The following RNF216 variants were observed in gnomAD, a reference collection of about 807,000 sequenced individuals.
RNF216 encodes E3 ubiquitin-protein ligase RNF216.
A neutral mutation model predicts 110.8 loss-of-function variants in RNF216; 72 were observed. The ratio of observed to expected loss-of-function variants is 0.65; its 90% CI spans 0.54 to 0.79. RNF216 has a LOEUF of 0.79. RNF216 is among the 30% of genes least tolerant of loss of function. The pLI is 0.00. For missense variants in RNF216, 1,342 were observed against 1,141.2 expected (o/e 1.18, Z -2.54); for synonymous variants, 495 against 407.5 (o/e 1.21, Z -2.59).
chr7:5,776,128 G>A (rs1225627910), intron 1 of RNF216, among the ~76,000 whole-genome samples: 4 of 152,090 alleles, frequency 2.6e-5, no homozygotes, highest in African/African-American at 7.2e-5. Flanking sequence ...ATATCCATAT[G>A]TGAAAGCTGT....
chr7:5,763,907 G>A (rs749063717), intron 1 of RNF216, among the ~76,000 whole-genome samples: 4 of 152,118 alleles, frequency 2.6e-5, no homozygotes, highest in Admixed American at 1.3e-4. Context: ...TAAAACAGAC[G>A]GCAGGGCACG....
chr7:5,659,325 G>A (rs1342428493), intron 13 of RNF216, among the ~76,000 whole-genome samples: 1 of 152,178 alleles, frequency 6.6e-6, no homozygotes, highest in Admixed American at 6.5e-5. Flanking sequence ...GATATTAACT[G>A]ACACTAGGGG....
chr7:5,721,903 T>G (rs1793449087), intron 8 of RNF216, among the ~76,000 whole-genome samples: 1 of 152,236 alleles, frequency 6.6e-6, no homozygotes, highest in Non-Finnish European at 1.5e-5. Context: ...GGTTTTGTAC[T>G]TGTTTCACTG....
At chr7:5,739,515 C>T (rs1236538380) in intron 4 of RNF216, 163 bp from the exon 5 acceptor site, 12 of 719,362 alleles carry the variant, frequency 1.7e-5, no homozygotes, top group Non-Finnish European at 3.0e-5. Flanking sequence ...TTCCCAGATT[C>T]ATCTGTCTAC....
At chr7:5,642,212 G>GT (rs1347086304) in intron 14 of RNF216, among the ~76,000 whole-genome samples, 344 of 149,550 alleles carry the variant, frequency 2.3e-3, no homozygotes, top group African/African-American at 7.9e-3. Flanking sequence ...TCAAGGTTCT[G>GT]TTTTGTTTTT....
At chr7:5,638,880 C>T (rs2128565286) in intron 15 of RNF216, among the ~76,000 whole-genome samples, 1 of 152,288 alleles carries the variant, frequency 6.6e-6, no homozygotes. Context: ...AGTGATGCTC[C>T]TGCCTTGACC....
intron 1 of RNF216, among the ~76,000 whole-genome samples, chr7:5,761,612 GCCA>G (rs1795938853): frequency 6.6e-6 from 1 of 152,006 alleles, no homozygotes; most frequent in African/African-American, 2.4e-5. Flanking sequence ...ATGGTGAAAT[GCCA>G]ACTCTACTAA....
chr7:5,772,775 CTTTTTTTT>C (rs34504327), intron 1 of RNF216, among the ~76,000 whole-genome samples: 4 of 133,560 alleles, frequency 3.0e-5, no homozygotes, highest in Non-Finnish European at 3.2e-5. Context: ...AAAGATATTC[CTTTTTTTT>C]TTTTTTTTTT....
At chr7:5,686,388 C>G (rs1257805654) in intron 13 of RNF216, among the ~76,000 whole-genome samples, 1 of 152,118 alleles carries the variant, frequency 6.6e-6, no homozygotes, top group African/African-American at 2.4e-5. Flanking sequence ...GGGGCTGGGA[C>G]AGAAAACAGG....
chr7:5,674,441 G>A (rs891779158), intron 13 of RNF216, among the ~76,000 whole-genome samples: 2 of 151,162 alleles, frequency 1.3e-5, no homozygotes, highest in Middle Eastern at 3.2e-3. Flanking sequence ...ACAGGAGTGA[G>A]CCACTGCACC....
At chr7:5,689,746 G>A (rs1791211364) in intron 13 of RNF216, among the ~76,000 whole-genome samples, 1 of 151,936 alleles carries the variant, frequency 6.6e-6, no homozygotes, top group African/African-American at 2.4e-5. Flanking sequence ...CTAAGGTTAG[G>A]AGTTCAAGAC....
chr7:5,779,387 C>G (rs1013619180), intron 1 of RNF216, among the ~76,000 whole-genome samples: 1 of 152,030 alleles, frequency 6.6e-6, no homozygotes, highest in Non-Finnish European at 1.5e-5. Context: ...CAGGCATTTC[C>G]TCAAATCCAC....
chr7:5,776,526 C>T (rs1453574934), intron 1 of RNF216, among the ~76,000 whole-genome samples: 3 of 136,180 alleles, frequency 2.2e-5, no homozygotes, highest in Admixed American at 8.1e-5. Context: ...ACCCGGGAGG[C>T]GGAGCTTGCA....
chr7:5,647,858 T>C (rs1788147500), intron 14 of RNF216, among the ~76,000 whole-genome samples: 1 of 152,194 alleles, frequency 6.6e-6, no homozygotes, highest in South Asian at 2.1e-4. Flanking sequence ...TAGAGTGGCT[T>C]AGACTACTGT....
intron 6 of RNF216, among the ~76,000 whole-genome samples, chr7:5,730,426 T>C (rs1794020847): frequency 6.6e-6 from 1 of 152,244 alleles, no homozygotes; most frequent in East Asian, 1.9e-4. Context: ...CTTTAGGAAT[T>C]TGCTTTGTAG....
At chr7:5,658,309 CAT>C (rs1303242545) in intron 13 of RNF216, among the ~76,000 whole-genome samples, 4 of 152,162 alleles carry the variant, frequency 2.6e-5, no homozygotes, top group Admixed American at 6.5e-5. Context: ...AACAATGAAA[CAT>C]AGTTCAAAAG....
rs771766081 is a variant in RNF216 at position 5,725,368 on chromosome 7, T to G, written c.1460A>C (p.Lys487Thr). The change falls in exon 8 of 17, where the codon AAA becomes ACA. Residue 487 changes from lysine (K) to threonine (T), a missense_variant. Transcript: ENST00000389902. ...PETSGKRKKR[K>T]QMNQYSYIDF... is the part of the protein sequence containing the mutation. The stretch of plus-strand genomic sequence containing the variant: ...AATGTAAGAATACTGGTTCATTTGT[T>G]TTCTCTTCTTCCTTTTTCCACTGGT... The G allele has an allele frequency of 6.2e-7, 1 of 1,613,756 alleles. No homozygotes were observed. The highest frequency in any genetic ancestry group is 1.7e-5 in the Admixed American group (1 of 60,028).
Position 5,741,261 on chromosome 7 carries a change from C to T in RNF216, c.756G>A (p.Gln252=), listed in dbSNP as rs1191824380. Residue 252 remains glutamine, a synonymous_variant, in exon 4 of 17, where the codon CAG becomes CAA. Coordinates refer to ENST00000389902, the MANE Select transcript of RNF216 (RefSeq NM_207111.4). ...CCAGTTCTGCTTCAGGCTGCCGTTC[C>T]TGAGGAACGACCTGGTTTGTTATTT... ...PREITNQVVP[Q]ERQPEAELGR... 3 of 1,614,030 alleles carry T rather than the reference C, an allele frequency of 1.9e-6. No homozygotes were observed. Among genetic ancestry groups the T allele is most frequent in the Admixed American group, 1.7e-5 (1 of 60,000 alleles).
intron 5 of RNF216, among the ~76,000 whole-genome samples, chr7:5,734,694 C>T (rs1472055309): frequency 1.3e-5 from 2 of 151,242 alleles, no homozygotes; most frequent in African/African-American, 4.9e-5. Flanking sequence ...TGAGGTAACA[C>T]ATGCCTGTAA....
Sources: gnomAD v4.1 joint callset for allele counts (sites outside exome capture counted in the v4.1 genomes callset) on GRCh38, gnomAD v4.1.1 for gene constraint, MANE v1.5 for transcripts, NCBI Gene and HGNC (gene_info 2026-07-23, HGNC 2026-07-21) for gene names.